FAM13A: variants seen among roughly 807,000 people sequenced by gnomAD.
FAM13A encodes protein FAM13A.
In FAM13A, 76 loss-of-function variants were observed where a neutral mutation model predicts 129.6. The ratio of observed to expected loss-of-function variants is 0.59; its 90% CI spans 0.49 to 0.71. FAM13A has a LOEUF of 0.71. Among genes scored for constraint, FAM13A ranks in the 30% least tolerant of loss-of-function variants. The pLI, the probability that FAM13A is intolerant of heterozygous loss-of-function variation, is 0.00. For synonymous variants in FAM13A, 443 were observed against 449.9 expected (o/e 0.98, Z 0.20); for missense variants, 1,108 against 1,249.3 (o/e 0.89, Z 1.70).
intron 4 of FAM13A, among the ~76,000 whole-genome samples, chr4:88,960,375 T>C (rs1251706324): frequency 6.6e-6 from 1 of 152,178 alleles, no homozygotes; most frequent in East Asian, 1.9e-4. Flanking sequence ...GAGTGAGATA[T>C]AACTGAAGAT....
chr4:88,774,427 T>A (rs1325494704), intron 11 of FAM13A, among the ~76,000 whole-genome samples: 1 of 152,200 alleles, frequency 6.6e-6, no homozygotes, highest in African/African-American at 2.4e-5. Context: ...GTTGTGTGAT[T>A]GAAGGAATAA....
At chr4:89,040,360 A>C (rs1264259017) in intron 1 of FAM13A, among the ~76,000 whole-genome samples, 1 of 152,222 alleles carries the variant, frequency 6.6e-6, no homozygotes, top group Non-Finnish European at 1.5e-5. Context: ...TTTTTCATTA[A>C]TAATAAATTT....
chr4:88,774,387 T>C (rs1222637256), intron 11 of FAM13A, among the ~76,000 whole-genome samples: 2 of 152,206 alleles, frequency 1.3e-5, no homozygotes, highest in Non-Finnish European at 2.9e-5. Context: ...GTCCTTAGTG[T>C]TGAAAATAGT....
intron 6 of FAM13A, among the ~76,000 whole-genome samples, chr4:88,874,094 C>T (rs1050130792): frequency 2.0e-5 from 3 of 152,306 alleles, no homozygotes; most frequent in Non-Finnish European, 4.4e-5. Context: ...AACACTGCTT[C>T]ATGCTGAAAA....
intron 7 of FAM13A, among the ~76,000 whole-genome samples, chr4:88,837,960 G>GA (rs1379184166): frequency 6.6e-6 from 1 of 151,516 alleles, no homozygotes; most frequent in Non-Finnish European, 1.5e-5. Flanking sequence ...TAATATTTGG[G>GA]AAAAAAAATG....
intron 5 of FAM13A, among the ~76,000 whole-genome samples, chr4:88,924,504 T>G (rs1172751711): frequency 2.0e-5 from 3 of 152,160 alleles, no homozygotes; most frequent in East Asian, 1.9e-4. Context: ...TAGCCATATG[T>G]AGAAAGCTGA....
rs114646380 is a variant in FAM13A at position 88,831,907 on chromosome 4, G to A, written c.1007+19113C>T. Among the ~76,000 whole-genome samples, 238 of 152,068 alleles carry A rather than the reference G, an allele frequency of 1.6e-3. 2 individuals carry two copies. The highest frequency in any genetic ancestry group is 5.6e-3 in the African/African-American group (231 of 41,486). On this transcript the variant is annotated intron_variant, in intron 7 of 23. Coordinates refer to ENST00000264344, the MANE Select transcript of FAM13A (RefSeq NM_014883.4). Reference sequence around the variant, plus strand: ...TAGAATTTTTTTTTAAATTCATATGGAACCAAAGAAGACCCCAAATAGCCA... The same window carrying A: ...TAGAATTTTTTTTTAAATTCATATGAAACCAAAGAAGACCCCAAATAGCCA...
chr4:88,973,694 C>A (rs1341637548), intron 4 of FAM13A, among the ~76,000 whole-genome samples: 1 of 151,860 alleles, frequency 6.6e-6, no homozygotes, highest in African/African-American at 2.4e-5. Context: ...TTTTAGTCTG[C>A]TTTGTGATTT....
chr4:88,877,893 C>T (rs1742835908), intron 6 of FAM13A, among the ~76,000 whole-genome samples: 1 of 152,162 alleles, frequency 6.6e-6, no homozygotes, highest in Admixed American at 6.5e-5. Context: ...AATGGTGGTG[C>T]TCATTCTGAG....
intron 7 of FAM13A, among the ~76,000 whole-genome samples, chr4:88,838,068 G>A (rs897573949): frequency 6.6e-6 from 1 of 152,126 alleles, no homozygotes; most frequent in African/African-American, 2.4e-5. Flanking sequence ...GGTATTATAA[G>A]TAATCTAGAG....
At chr4:89,031,390 G>C (rs1339495393) in intron 1 of FAM13A, among the ~76,000 whole-genome samples, 1 of 152,080 alleles carries the variant, frequency 6.6e-6, no homozygotes, top group Non-Finnish European at 1.5e-5. Flanking sequence ...ATAGACTATG[G>C]AACAAGACTG....
chr4:89,001,151 A>C (rs1310771762), intron 3 of FAM13A, among the ~76,000 whole-genome samples: 2 of 152,228 alleles, frequency 1.3e-5, no homozygotes, highest in African/African-American at 4.8e-5. Context: ...CAGGACCTAC[A>C]ATCTCAGAGG....
At chr4:88,985,524 A>T (rs968660334) in intron 4 of FAM13A, among the ~76,000 whole-genome samples, 1 of 152,198 alleles carries the variant, frequency 6.6e-6, no homozygotes, top group Non-Finnish European at 1.5e-5. Flanking sequence ...GACCTATCAG[A>T]CTGGCAAGAC....
At chr4:88,787,574 T>C (rs1251469972) in intron 10 of FAM13A, among the ~76,000 whole-genome samples, 179 bp downstream of exon 10, 1 of 152,180 alleles carries the variant, frequency 6.6e-6, no homozygotes, top group Admixed American at 6.6e-5. Context: ...CAATTACCTA[T>C]GAATTTCCAA....
chr4:88,764,034 T>C (rs1745291801), intron 13 of FAM13A, among the ~76,000 whole-genome samples: 1 of 152,184 alleles, frequency 6.6e-6, no homozygotes, highest in Non-Finnish European at 1.5e-5. Context: ...ATAAATACTT[T>C]TCAGAAATTC....
rs200777423 is a variant in FAM13A at position 88,851,047 on chromosome 4, C to A, written c.980G>T (p.Gly327Val). The A allele has an allele frequency of 8.7e-6, 14 of 1,613,870 alleles. No homozygotes were observed. The highest frequency in any genetic ancestry group is 3.3e-4 in the Middle Eastern group (2 of 6,078). Residue 327 changes from glycine to valine, a missense_variant, in exon 7 of 24, where the codon GGT becomes GTT. Around this residue, in one of 3 missense-constraint regions of FAM13A, gnomAD observed 566 missense variants for 595.7 expected, o/e 0.95. Transcript: ENST00000264344. The stretch of plus-strand genomic sequence containing the variant: ...GGGTACCAACTTGGCACTAATAGCA[C>A]CCTCTGCTGAATTCATGTCTTCCAA... ...ACLEDMNSAE[G>V]AISAKLVPSS...
At chr4:88,945,783 GTATATATATATATAAGTATATATATAT>G (rs1553900954) in intron 4 of FAM13A, among the ~76,000 whole-genome samples, 4 of 127,040 alleles carry the variant, frequency 3.1e-5, no homozygotes, top group African/African-American at 6.4e-5. Flanking sequence ...CTATGTGGTT[GTATATATATATATAAGTATATATATAT>G]TATATATATA....
intron 13 of FAM13A, among the ~76,000 whole-genome samples, chr4:88,762,653 A>G (rs1745024676): frequency 6.6e-6 from 1 of 152,106 alleles, no homozygotes; most frequent in Non-Finnish European, 1.5e-5. Flanking sequence ...TAGGCTCCAT[A>G]AACACTAGCA....
At chr4:88,923,437 A>G (rs1175567528) in intron 5 of FAM13A, among the ~76,000 whole-genome samples, 2 of 152,194 alleles carry the variant, frequency 1.3e-5, no homozygotes, top group Non-Finnish European at 2.9e-5. Flanking sequence ...TATAAACAGA[A>G]CCAAAGACAA....
Sources: gnomAD v4.1 joint callset for allele counts (sites outside exome capture counted in the v4.1 genomes callset) on GRCh38, gnomAD v4.1.1 for gene constraint, gnomAD v4.1.1 regional missense constraint, MANE v1.5 for transcripts, NCBI Gene and HGNC (gene_info 2026-07-23, HGNC 2026-07-21) for gene names.